Variants in TMEM94 observed in about 807,000 individuals in gnomAD.
The protein encoded by TMEM94 is ER Mg2+ ATPase.
Under a neutral mutation model 158.6 loss-of-function variants are expected in TMEM94, and 81 were observed. That is an observed-to-expected ratio of 0.51 (90% CI 0.43 to 0.61). The LOEUF (loss-of-function observed/expected upper bound fraction) is 0.61. Ranked by LOEUF, TMEM94 falls within the 20% of genes least tolerant of loss-of-function variation. TMEM94 has a pLI of 0.00. For missense variants in TMEM94, 1,435 were observed against 1,762.0 expected (o/e 0.81, Z 3.32); for synonymous variants, 751 against 730.7 (o/e 1.03, Z -0.45).
intron 2 of TMEM94, among the ~76,000 whole-genome samples, chr17:75,482,831 C>G (rs538718154): frequency 2.0e-5 from 3 of 152,288 alleles, no homozygotes; most frequent in African/African-American, 4.8e-5. Context: ...GTGCCATGCA[C>G]TGTCTCAGCA....
At chr17:75,479,412 T>C (rs1171391780) in intron 2 of TMEM94, among the ~76,000 whole-genome samples, 1 of 152,096 alleles carries the variant, frequency 6.6e-6, no homozygotes, top group Non-Finnish European at 1.5e-5. Context: ...CGCCGCCTCC[T>C]GGGTTCAAGC....
chr17:75,475,816 G>GT (rs1431299643), intron 2 of TMEM94, among the ~76,000 whole-genome samples: 2 of 152,222 alleles, frequency 1.3e-5, no homozygotes, highest in African/African-American at 4.8e-5. Flanking sequence ...CTGCATGGCT[G>GT]TGAGGGTCTC....
rs759140062 is a variant in TMEM94 at position 75,494,580 on chromosome 17, T to G, written c.2408-47T>G. 6 of 1,596,770 alleles carry G rather than the reference T, an allele frequency of 3.8e-6. No homozygotes were observed. In the Admixed American group the frequency reaches 1.0e-4, roughly 27 times the overall value. On this transcript the variant is annotated intron_variant, in intron 18 of 31. Coordinates refer to ENST00000314256, the MANE Select transcript of TMEM94 (RefSeq NM_014738.6). ...ATCTGTGTGTGTGGCCCTGGGCTGGTTCCTGGGTGTCCTGATCGGGCTGTG... is the reference window on the plus strand; with the variant it reads ...ATCTGTGTGTGTGGCCCTGGGCTGGGTCCTGGGTGTCCTGATCGGGCTGTG...
intron 2 of TMEM94, among the ~76,000 whole-genome samples, chr17:75,475,354 C>T (rs2050643592): frequency 6.6e-6 from 1 of 152,188 alleles, no homozygotes. Flanking sequence ...GAGGCTCCTT[C>T]TTCCCTGCAG....
intron 1 of TMEM94, among the ~76,000 whole-genome samples, chr17:75,470,645 C>T (rs1316405450): frequency 6.6e-6 from 1 of 151,568 alleles, no homozygotes; most frequent in African/African-American, 2.4e-5. Context: ...GTGGAGCTTG[C>T]AGTGAGCCGA....
In TMEM94 at chr17:75,489,305, C is replaced by T; in HGVS notation, c.804C>T (p.Ala268=). 1 of 1,614,214 alleles carries T rather than the reference C, an allele frequency of 6.2e-7. No individual in the cohort carries two copies. The highest frequency in any genetic ancestry group is 8.5e-7 in the Non-Finnish European group (1 of 1,180,042). ...TGGCCCTGTCCCGACCAGTCACTGCCCTGGACAATGAGCGGTTCACAGTGC... is the reference window on the plus strand; with the variant it reads ...TGGCCCTGTCCCGACCAGTCACTGCTCTGGACAATGAGCGGTTCACAGTGC... The part of the protein sequence containing the change: ...LDMALSRPVT[A]LDNERFTVQS... Residue 268 remains alanine, a synonymous_variant, in exon 8 of 32, where the codon GCC becomes GCT. Transcript: ENST00000314256. The surrounding 1 kb of genome is among the most constrained non-coding windows in gnomAD (Gnocchi z 5.0).
intron 2 of TMEM94, among the ~76,000 whole-genome samples, chr17:75,472,188 A>C (rs1395564169): frequency 1.3e-5 from 2 of 152,230 alleles, no homozygotes; most frequent in Non-Finnish European, 2.9e-5. Flanking sequence ...GGCTGGCTCC[A>C]AGCCAGTCTT....
At chr17:75,466,046 GTAGT>G (rs957025126) in intron 1 of TMEM94, among the ~76,000 whole-genome samples, 4 of 152,146 alleles carry the variant, frequency 2.6e-5, no homozygotes, top group African/African-American at 9.6e-5. Flanking sequence ...AGCCTCACAA[GTAGT>G]TAGGACTACA....
chr17:75,490,204 G>A, intron 9 of TMEM94, 30 bp from the exon 10 acceptor site: 1 of 1,613,326 alleles, frequency 6.2e-7, no homozygotes, highest in Non-Finnish European at 8.5e-7. Context: ...CGGAGCTCAG[G>A]AGCCATCTGT....
intron 1 of TMEM94, among the ~76,000 whole-genome samples, chr17:75,468,565 G>A (rs1188999936): frequency 6.6e-6 from 1 of 152,204 alleles, no homozygotes; most frequent in Non-Finnish European, 1.5e-5. Flanking sequence ...ATTTCAGTTG[G>A]CGACCAAAGA....
intron 1 of TMEM94, among the ~76,000 whole-genome samples, chr17:75,463,606 T>C (rs1469970323): frequency 6.6e-6 from 1 of 152,188 alleles, no homozygotes; most frequent in Non-Finnish European, 1.5e-5. Context: ...TGAGTGAGCA[T>C]ACACTCATAT....
At chr17:75,479,005 C>T (rs553519415) in intron 2 of TMEM94, among the ~76,000 whole-genome samples, 1 of 152,290 alleles carries the variant, frequency 6.6e-6, no homozygotes, top group South Asian at 2.1e-4. Flanking sequence ...GCGCCTGTTC[C>T]CTCGCTATGC....
intron 2 of TMEM94, among the ~76,000 whole-genome samples, chr17:75,483,421 C>A (rs547562127): frequency 6.6e-6 from 1 of 150,872 alleles, no homozygotes; most frequent in East Asian, 1.9e-4. Context: ...AAAGGTGACT[C>A]TGGCAGTAGA....
chr17:75,494,600 G>A lies in TMEM94; in HGVS notation c.2408-27G>A, dbSNP rs547218290. 204 of 1,610,514 alleles carry A rather than the reference G, an allele frequency of 1.3e-4. 4 individuals are homozygous for A. The Middle Eastern group carries it at 1.8e-3, about 14-fold the overall frequency. Reference sequence around the variant, plus strand: ...GCTGGTTCCTGGGTGTCCTGATCGGGCTGTGTCCTGTGTGTCCTGCCTGAA... The same window carrying A: ...GCTGGTTCCTGGGTGTCCTGATCGGACTGTGTCCTGTGTGTCCTGCCTGAA... On this transcript the variant is annotated intron_variant, in intron 18 of 31. Coordinates refer to ENST00000314256, the MANE Select transcript of TMEM94 (RefSeq NM_014738.6).
intron 1 of TMEM94, among the ~76,000 whole-genome samples, chr17:75,471,250 A>AG (rs1180891112): frequency 4.1e-5 from 6 of 148,042 alleles, no homozygotes; most frequent in African/African-American, 1.6e-4. Flanking sequence ...AAAAAAAAAA[A>AG]AAAAGAAAGA....
chr17:75,489,272 C>T lies in TMEM94; in HGVS notation c.771C>T (p.Cys257=), dbSNP rs115389161. Residue 257 remains cysteine, a synonymous_variant, in exon 8 of 32, where the codon TGC becomes TGT. Transcript: ENST00000314256. The surrounding 1 kb of genome is among the most constrained non-coding windows in gnomAD (Gnocchi z 5.0). ...CAGTCACTTCTTTCTGCAGATGGTG[C>T]CTGGACATGGCCCTGTCCCGACCAG... ...ETPVIDNIRW[C]LDMALSRPVT... is the part of the protein sequence containing the mutation. 1.4e-3 allele frequency: 2,216 copies of T among 1,613,988 alleles called. 20 individuals are homozygous for T. In the African/African-American group the frequency reaches 0.025, roughly 18 times the overall value.
chr17:75,472,861 T>G (rs1172531642), intron 2 of TMEM94, among the ~76,000 whole-genome samples: 3 of 152,220 alleles, frequency 2.0e-5, no homozygotes, highest in Admixed American at 2.0e-4. Context: ...TCTTCTGTTC[T>G]TCCTTCAAGA....
intron 1 of TMEM94, 32 bp from the exon 2 acceptor site, chr17:75,471,768 A>G (rs2050513053): frequency 1.2e-6 from 1 of 838,418 alleles, no homozygotes; most frequent in East Asian, 2.5e-5. Flanking sequence ...TGTTCCAGCA[A>G]CCTGAGTGAT....
Position 75,492,311 on chromosome 17 carries a change from A to G in TMEM94, c.1597-163A>G. On this transcript the variant is annotated intron_variant, in intron 14 of 31. Transcript: ENST00000314256. This position sits in a 1 kb window ranked among gnomAD's most constrained non-coding sequence, Gnocchi z 4.4. ...GGAGCCCAAGAAGGACAGGAAGCGG[A>G]TTTCAGGAGGGAGCGGGTGGAAGAG... 1.4e-6 allele frequency: 2 copies of G among 1,429,972 alleles called. No homozygotes were observed. Among genetic ancestry groups the G allele is most frequent in the Non-Finnish European group, 1.8e-6 (2 of 1,096,662 alleles). The allele number at this position is 1,429,972 out of a possible 1,614,324, so 88.6% of individuals were successfully genotyped here.
Sources: gnomAD v4.1 joint callset for allele counts (sites outside exome capture counted in the v4.1 genomes callset) on GRCh38, gnomAD v4.1.1 for gene constraint, Gnocchi (gnomAD v3.1) non-coding constraint, MANE v1.5 for transcripts, NCBI Gene and HGNC (gene_info 2026-07-23, HGNC 2026-07-21) for gene names.